The following NELL1 variants were observed in gnomAD, a reference collection of about 807,000 sequenced individuals.
The protein encoded by NELL1 is neural EGFL like 1.
Under a neutral mutation model 107.4 loss-of-function variants are expected in NELL1, and 76 were observed. The ratio of observed to expected loss-of-function variants is 0.71; its 90% confidence interval spans 0.59 to 0.86. The LOEUF (loss-of-function observed/expected upper bound fraction) is 0.86, where lower values mean the gene tolerates loss of function less well. NELL1 is among the 40% of genes least tolerant of loss of function. The pLI is 0.00. For missense variants in NELL1, 1,024 were observed against 1,005.5 expected (o/e 1.02, Z -0.25); for synonymous variants, 353 against 341.2 (o/e 1.03, Z -0.38).
chr11:20,967,673 C>T (rs2134224583), intron 12 of NELL1, among the ~76,000 whole-genome samples: 1 of 152,254 alleles, frequency 6.6e-6, no homozygotes, highest in Non-Finnish European at 1.5e-5. Flanking sequence ...CCACTACCAC[C>T]CTAGACCAAG....
chr11:21,229,319 A>G lies in NELL1; in HGVS notation c.1427-13A>G, dbSNP rs1320512067. On this transcript the variant is annotated splice_polypyrimidine_tract_variant and intron_variant, in intron 13 of 19. Transcript: ENST00000357134. ...GAAAAAGTATTTCTCTTTTTCTCTC[A>G]CCCTGGAAACAGAACACGATGAATG... 2 of 1,613,458 alleles carry G rather than the reference A, an allele frequency of 1.2e-6. No homozygotes were observed. The highest frequency in any genetic ancestry group is 1.7e-6 in the Non-Finnish European group (2 of 1,179,720).
At chr11:20,989,428 T>A (rs1477875238) in intron 12 of NELL1, among the ~76,000 whole-genome samples, 1 of 152,346 alleles carries the variant, frequency 6.6e-6, no homozygotes, top group Non-Finnish European at 1.5e-5. Flanking sequence ...GTATTGAGAC[T>A]GCTTTGACTT....
At chr11:21,241,229 A>C (rs985634980) in intron 14 of NELL1, among the ~76,000 whole-genome samples, 2 of 152,106 alleles carry the variant, frequency 1.3e-5, no homozygotes, top group African/African-American at 4.8e-5. Context: ...TAGGCTATCT[A>C]CTGGATTATG....
chr11:21,574,834 A>G, intron 19 of NELL1, 138 bp from the exon 20 acceptor site: 1 of 680,380 alleles, frequency 1.5e-6, no homozygotes, highest in Non-Finnish European at 2.5e-6. Context: ...TTTTCCTAGC[A>G]TTTTTTTCTA....
chr11:20,746,349 C>A (rs917076639), intron 2 of NELL1, among the ~76,000 whole-genome samples: 2 of 152,172 alleles, frequency 1.3e-5, no homozygotes, highest in Non-Finnish European at 2.9e-5. Context: ...GATTTGGAGT[C>A]AGACAGATTT....
intron 15 of NELL1, among the ~76,000 whole-genome samples, chr11:21,398,565 C>T (rs918596952): frequency 6.6e-6 from 1 of 151,296 alleles, no homozygotes; most frequent in Non-Finnish European, 1.5e-5. Flanking sequence ...TCTTCCCAGG[C>T]AAAAAAGCAA....
intron 12 of NELL1, among the ~76,000 whole-genome samples, chr11:20,975,457 A>G (rs79409822): frequency 0.17 from 24,736 of 149,010 alleles, 2,379 homozygotes; most frequent in Middle Eastern, 0.27. Flanking sequence ...TATAGCTTCA[A>G]AATAGATATT....
intron 15 of NELL1, among the ~76,000 whole-genome samples, chr11:21,402,223 C>T (rs1243605276): frequency 6.6e-6 from 1 of 151,794 alleles, no homozygotes; most frequent in Non-Finnish European, 1.5e-5. Flanking sequence ...TGAAGTTTGA[C>T]AATTACACTC....
intron 15 of NELL1, among the ~76,000 whole-genome samples, chr11:21,397,208 T>C (rs1564874736): frequency 1.3e-5 from 2 of 151,642 alleles, no homozygotes; most frequent in Non-Finnish European, 3.0e-5. Flanking sequence ...AACTTTTTAT[T>C]GCCATGCAAA....
intron 4 of NELL1, among the ~76,000 whole-genome samples, chr11:20,848,293 G>A (rs767177780): frequency 6.6e-6 from 1 of 152,204 alleles, no homozygotes; most frequent in African/African-American, 2.4e-5. Flanking sequence ...CCAGAGGAAT[G>A]AGCCTTCCAG....
chr11:21,549,935 G>T (rs1229556672), intron 16 of NELL1, among the ~76,000 whole-genome samples: 2 of 151,652 alleles, frequency 1.3e-5, no homozygotes, highest in South Asian at 2.1e-4. Context: ...AAAGAGTGAG[G>T]CAGGGGCTTC....
At chr11:21,282,410 G>A (rs546682517) in intron 14 of NELL1, among the ~76,000 whole-genome samples, 3 of 151,188 alleles carry the variant, frequency 2.0e-5, no homozygotes, top group African/African-American at 7.3e-5. Flanking sequence ...AGCTTGAGAG[G>A]TGGAGGTTGT....
At chr11:21,506,453 T>TG (rs1173126332) in intron 15 of NELL1, among the ~76,000 whole-genome samples, 3 of 152,204 alleles carry the variant, frequency 2.0e-5, no homozygotes, top group Admixed American at 6.5e-5. Context: ...AATGACTCTG[T>TG]GCTCTTTAGT....
chr11:21,080,877 C>T (rs945888739), intron 12 of NELL1, among the ~76,000 whole-genome samples: 3 of 151,762 alleles, frequency 2.0e-5, no homozygotes, highest in African/African-American at 7.3e-5. Context: ...CTTTGCCAAT[C>T]TGATATATAT....
At chr11:20,680,445 G>A (rs1854162354) in intron 2 of NELL1, among the ~76,000 whole-genome samples, 2 of 152,108 alleles carry the variant, frequency 1.3e-5, no homozygotes, top group Admixed American at 1.3e-4. Context: ...TCAGATATGG[G>A]TGAGACAGTG....
intron 3 of NELL1, among the ~76,000 whole-genome samples, chr11:20,786,646 T>A (rs187232246): frequency 6.6e-6 from 1 of 151,356 alleles, no homozygotes; most frequent in Non-Finnish European, 1.5e-5. Context: ...AGAAGAAAAA[T>A]TTATCTGAGG....
At chr11:21,302,885 A>G (rs1849524645) in intron 14 of NELL1, among the ~76,000 whole-genome samples, 1 of 151,210 alleles carries the variant, frequency 6.6e-6, no homozygotes, top group Non-Finnish European at 1.5e-5. Flanking sequence ...GTGAGACCCT[A>G]TCTCTACAAA....
chr11:20,841,574 T>C (rs1463906789), intron 3 of NELL1, among the ~76,000 whole-genome samples: 3 of 152,140 alleles, frequency 2.0e-5, no homozygotes, highest in Non-Finnish European at 4.4e-5. Context: ...ATAAGAATTC[T>C]AGGAATTTAG....
intron 12 of NELL1, among the ~76,000 whole-genome samples, chr11:21,078,537 G>A (rs1043584157): frequency 8.5e-5 from 13 of 152,206 alleles, no homozygotes; most frequent in South Asian, 4.1e-4. Context: ...TGGTGCAACC[G>A]CAAGGGAAAA....
Sources: gnomAD v4.1 joint callset for allele counts (sites outside exome capture counted in the v4.1 genomes callset) on GRCh38, gnomAD v4.1.1 for gene constraint, MANE v1.5 for transcripts, NCBI Gene and HGNC (gene_info 2026-07-23, HGNC 2026-07-21) for gene names.